YES1: variants seen among roughly 807,000 people sequenced by gnomAD.
YES1 encodes the protein YES proto-oncogene 1, Src family tyrosine kinase, also known as tyrosine-protein kinase Yes.
In YES1, 39 loss-of-function variants were observed where a neutral mutation model predicts 70.4. That is an observed-to-expected ratio of 0.55 (90% CI 0.43 to 0.72). The LOEUF is 0.72. Among genes scored for constraint, YES1 ranks in the 30% least tolerant of loss-of-function variants. The pLI is 0.00. For missense variants in YES1, 495 were observed against 644.8 expected (o/e 0.77, Z 2.52); for synonymous variants, 198 against 218.6 (o/e 0.91, Z 0.83).
intron 1 of YES1, among the ~76,000 whole-genome samples, chr18:791,347 G>A (rs533958470): frequency 6.6e-6 from 1 of 152,120 alleles, no homozygotes; most frequent in East Asian, 1.9e-4. Context: ...ATCTTATTAA[G>A]AATAGTAACA....
rs563390055 is a variant in YES1 at position 757,274 on chromosome 18, C to T, written c.-8-439G>A. On this transcript the variant is annotated intron_variant, in intron 1 of 11. Transcript: ENST00000314574. ...ATCCCAGCACTTTGGGAGGCCAAGG[C>T]GGGCGGATCACGAGGTCAGGAGATT... Among the ~76,000 whole-genome samples, 1,181 of 152,084 alleles carry T rather than the reference C, an allele frequency of 7.8e-3. 7 individuals are homozygous for T. Among genetic ancestry groups the T allele is most frequent in the South Asian group, 0.02 (98 of 4,824 alleles).
intron 4 of YES1, among the ~76,000 whole-genome samples, chr18:746,616 A>AT (rs2080284085): frequency 6.6e-6 from 1 of 152,240 alleles, no homozygotes; most frequent in Non-Finnish European, 1.5e-5. Flanking sequence ...AGAGTTATTG[A>AT]GACACATTAC....
intron 1 of YES1, among the ~76,000 whole-genome samples, chr18:761,193 T>C (rs1441129450): frequency 6.6e-6 from 1 of 151,676 alleles, no homozygotes; most frequent in African/African-American, 2.4e-5. Context: ...AAAGGTCTAC[T>C]GTTCCCCACC....
chr18:794,129 G>A (rs1180023936), intron 1 of YES1, among the ~76,000 whole-genome samples: 1 of 152,202 alleles, frequency 6.6e-6, no homozygotes, highest in Non-Finnish European at 1.5e-5. Flanking sequence ...TTGTGGTGAT[G>A]AAACCTGACA....
chr18:804,256 C>A (rs1906970820), intron 1 of YES1, among the ~76,000 whole-genome samples: 1 of 152,216 alleles, frequency 6.6e-6, no homozygotes, highest in East Asian at 1.9e-4. Context: ...TACTTGTTAA[C>A]TGACATCATA....
chr18:756,471 T>C, intron 2 of YES1, 86 bp downstream of exon 2: 1 of 1,500,262 alleles, frequency 6.7e-7, no homozygotes, highest in Middle Eastern at 1.8e-4. Flanking sequence ...GTAAGATATC[T>C]TTCTTAAAGG....
Position 724,618 on chromosome 18 carries a change from C to A in YES1, c.1438G>T (p.Glu480Ter), listed in dbSNP as rs1308515038. ...RVPYPGMVNR[E>*]VLEQVERGYR... ...CCTCGCTCCACTTGTTCTAATACTT[C>A]ACGGTTCACCATACCTAATACACAA... is the stretch of plus-strand genomic sequence containing the variant. Residue 480 changes from glutamate (E) to a stop codon, truncating the protein, a stop_gained, in exon 12 of 12, where the codon GAA becomes TAA. Coordinates refer to ENST00000314574, the MANE Select transcript of YES1 (RefSeq NM_005433.4). LOFTEE classifies it high-confidence loss of function. 6.2e-7 allele frequency: 1 copy of A among 1,613,880 alleles called. No homozygotes were observed. Among genetic ancestry groups the A allele is most frequent in the Non-Finnish European group, 8.5e-7 (1 of 1,179,880 alleles).
intron 1 of YES1, among the ~76,000 whole-genome samples, chr18:771,419 C>T (rs1389458764): frequency 1.3e-5 from 2 of 151,520 alleles, no homozygotes; most frequent in Non-Finnish European, 2.9e-5. Context: ...CTTAAATGAA[C>T]TTGTGTTTAA....
At chr18:796,182 T>C (rs1235762060) in intron 1 of YES1, among the ~76,000 whole-genome samples, 3 of 152,200 alleles carry the variant, frequency 2.0e-5, no homozygotes, top group African/African-American at 7.2e-5. Context: ...AGGAAATTTG[T>C]CCTTCTAGGA....
At position 793,009 on chromosome 18, in the gene YES1, G is replaced by A. The variant is rs909808891; in HGVS notation, c.-9+19105C>T. Among the ~76,000 whole-genome samples the A allele has an allele frequency of 4.7e-5, 7 of 150,476 alleles. No homozygotes were observed. In the South Asian group the frequency reaches 1.5e-3, roughly 32 times the overall value. ...AGCTTAATGGCAAACAATAGAAAGA[G>A]TCTTAAGGTTCATTATAATTATTAT... On this transcript the variant is annotated intron_variant, in intron 1 of 11. Coordinates refer to ENST00000314574, the MANE Select transcript of YES1 (RefSeq NM_005433.4).
At chr18:800,661 T>C (rs1180004804) in intron 1 of YES1, among the ~76,000 whole-genome samples, 3 of 152,226 alleles carry the variant, frequency 2.0e-5, no homozygotes, top group African/African-American at 7.2e-5. Flanking sequence ...ATTGTTAATG[T>C]AAGAACTTGA....
intron 10 of YES1, among the ~76,000 whole-genome samples, chr18:734,694 A>C (rs1423293447): frequency 6.6e-6 from 1 of 152,054 alleles, no homozygotes; most frequent in African/African-American, 2.4e-5. Flanking sequence ...AGTAAAAAAA[A>C]AAAACAATAG....
intron 1 of YES1, among the ~76,000 whole-genome samples, chr18:791,248 GAAGAAAAAAAA>G (rs759980529): frequency 2.4e-4 from 29 of 122,746 alleles, no homozygotes; most frequent in Non-Finnish European, 3.0e-4. Flanking sequence ...GAAACTTGAA[GAAGAAAAAAAA>G]AAGAAAAAAA....
chr18:754,105 T>C (rs2080376485), intron 2 of YES1, among the ~76,000 whole-genome samples: 1 of 152,200 alleles, frequency 6.6e-6, no homozygotes, highest in African/African-American at 2.4e-5. Context: ...CCCACACAGA[T>C]GTCAGAGTCA....
intron 1 of YES1, among the ~76,000 whole-genome samples, chr18:811,065 G>A (rs188015605): frequency 3.9e-4 from 59 of 152,184 alleles, no homozygotes; most frequent in African/African-American, 1.3e-3. Context: ...GTAACAGGAT[G>A]GTTTAAATAT....
intron 1 of YES1, among the ~76,000 whole-genome samples, chr18:780,651 T>C (rs1905612774): frequency 6.6e-6 from 1 of 152,214 alleles, no homozygotes; most frequent in South Asian, 2.1e-4. Context: ...CTGTGCCCTA[T>C]ATGGCCAATT....
At chr18:757,436 G>A (rs1211053880) in intron 1 of YES1, among the ~76,000 whole-genome samples, 1 of 151,104 alleles carries the variant, frequency 6.6e-6, no homozygotes, top group East Asian at 1.9e-4. Context: ...CCGGGAGGCG[G>A]AGCTTGCAGT....
At chr18:785,364 A>G (rs992099325) in intron 1 of YES1, among the ~76,000 whole-genome samples, 1 of 152,182 alleles carries the variant, frequency 6.6e-6, no homozygotes, top group Non-Finnish European at 1.5e-5. Flanking sequence ...TCAATAAGAG[A>G]TATCATCTTC....
rs772407330 is a variant in YES1, at chr18:745,810, T to C, written c.622A>G (p.Asn208Asp). The change falls in exon 6 of 12, where the codon AAT (asparagine) becomes GAT (aspartate). Residue 208 changes from asparagine to aspartate, a missense_variant. Physicochemically the swap from Asn to Asp is conservative, Grantham distance 23. This residue lies in a region of YES1 where 385 missense variants were observed against 540.9 expected (regional missense o/e 0.71). Transcript: ENST00000314574. The stretch of plus-strand genomic sequence containing the variant: ...TTCCTAATTTTGTAGTGTTTCACAT[T>C]GTCACCCCTTATCTCATCCCAATCA... ...IRDWDEIRGDNVKHYKIRKLD... is the reference protein window; with the variant it reads ...IRDWDEIRGDDVKHYKIRKLD... 6.2e-7 allele frequency: 1 copy of C among 1,613,110 alleles called. No homozygotes were observed. Among genetic ancestry groups the C allele is most frequent in the Admixed American group, 1.7e-5 (1 of 60,010 alleles).
Sources: gnomAD v4.1 joint callset for allele counts (sites outside exome capture counted in the v4.1 genomes callset) on GRCh38, gnomAD v4.1.1 for gene constraint, gnomAD v4.1.1 regional missense constraint, MANE v1.5 for transcripts, NCBI Gene and HGNC (gene_info 2026-07-23, HGNC 2026-07-21) for gene names.